RFC1: variants seen among roughly 807,000 people sequenced by gnomAD.
RFC1 encodes A1 140 kDa subunit.
A neutral mutation model predicts 137.4 loss-of-function variants in RFC1; 37 were observed. The observed-to-expected ratio is 0.27, with a 90% CI of 0.21 to 0.35. RFC1 has a LOEUF of 0.35. Ranked by LOEUF, RFC1 falls within the 10% of genes least tolerant of loss-of-function variation. The probability of loss-of-function intolerance (pLI) is 1.00; values close to 1 mark genes in which losing one functional copy is unlikely to be tolerated. For missense variants in RFC1, 1,205 were observed against 1,358.5 expected (o/e 0.89, Z 1.78); for synonymous variants, 429 against 455.7 (o/e 0.94, Z 0.75).
chr4:39,337,016 A>G (rs1740387063), intron 4 of RFC1, among the ~76,000 whole-genome samples: 1 of 152,252 alleles, frequency 6.6e-6, no homozygotes, highest in Non-Finnish European at 1.5e-5. Flanking sequence ...AGAGACATCC[A>G]AAGATCTAGA....
rs75402819 is a variant in RFC1, at chr4:39,342,210, C to T, written c.331+135G>A. The stretch of plus-strand genomic sequence containing the variant: ...AATGCAAAAGATGATCCCAGCCTTC[C>T]CTGACAAATATAACTCAACAAAGCA... On this transcript the variant is annotated intron_variant, in intron 4 of 24. Transcript: ENST00000349703. 82 of 1,026,342 alleles carry T rather than the reference C, an allele frequency of 8.0e-5. No homozygotes were observed. In the African/African-American group the frequency reaches 1.2e-3, roughly 15 times the overall value. 63.6% of individuals were successfully genotyped at this position (1,026,342 alleles called of 1,614,324 possible).
At chr4:39,306,053 TGCCTAA>T (rs1350808032) in intron 14 of RFC1, among the ~76,000 whole-genome samples, 2 of 152,232 alleles carry the variant, frequency 1.3e-5, no homozygotes, top group Non-Finnish European at 2.9e-5. Flanking sequence ...TCTGCTCTAG[TGCCTAA>T]GCAAGTCAAG....
intron 8 of RFC1, 72 bp downstream of exon 8, chr4:39,321,211 ATACT>A (rs1739502971): frequency 9.2e-7 from 1 of 1,085,910 alleles, no homozygotes; most frequent in African/African-American, 1.6e-5. Context: ...ACTGAATAGG[ATACT>A]TAAACAAGAT....
intron 1 of RFC1, chr4:39,355,784 A>G (rs1741443835): frequency 6.6e-6 from 1 of 152,170 alleles, no homozygotes; most frequent in Non-Finnish European, 1.5e-5. Flanking sequence ...TGAGTGGATC[A>G]CGAGGTCAAG....
intron 4 of RFC1, among the ~76,000 whole-genome samples, chr4:39,338,341 G>A (rs1278230986): frequency 6.6e-6 from 1 of 152,188 alleles, no homozygotes; most frequent in East Asian, 1.9e-4. Context: ...AAAGCTAGCT[G>A]TATAATAATA....
chr4:39,293,263 C>T (rs1737789457), intron 22 of RFC1, among the ~76,000 whole-genome samples: 1 of 152,172 alleles, frequency 6.6e-6, no homozygotes, highest in Admixed American at 6.5e-5. Context: ...AATCATGAAA[C>T]CATTTCCAAA....
At position 39,288,826 on chromosome 4, in the gene RFC1, T is replaced by G. The variant is rs1434820858; in HGVS notation, c.3379A>C (p.Lys1127Gln). The G allele has an allele frequency of 2.5e-6, 4 of 1,609,484 alleles. No homozygotes were observed. In the African/African-American group the frequency reaches 5.4e-5, roughly 22 times the overall value. ...TTATCTTTTTCTGGTTTTGAAGGCT[T>G]TGAAGATTTTGTCTTTTTCTGTTAG... ...AMIKKKTKSS[K>Q]PSKPEKDKEP... The change falls in exon 25 of 25, where the codon AAG becomes CAG. Residue 1127 changes from lysine to glutamine, a missense_variant. By Grantham distance (53) the Lys-to-Gln change is moderately conservative. Coordinates refer to ENST00000349703, the MANE Select transcript of RFC1 (RefSeq NM_002913.5).
At position 39,351,374 on chromosome 4, in the gene RFC1, C is replaced by T. The variant is rs1307655865; in HGVS notation, c.106G>A (p.Ala36Thr). 1.2e-5 allele frequency: 18 copies of T among 1,529,182 alleles called. No individual in the cohort carries two copies. Among genetic ancestry groups the T allele is most frequent in the Admixed American group, 4.3e-5 (2 of 46,802 alleles). The allele number at this position is 1,529,182 out of a possible 1,614,324, so 94.7% of individuals were successfully genotyped here. Residue 36 changes from alanine to threonine, a missense_variant, in exon 2 of 25, where the codon GCA (alanine) becomes ACA (threonine). Ala to Thr is a moderately conservative substitution (Grantham distance 58). This residue lies in a region of RFC1 where 962 missense variants were observed against 1,035.3 expected (regional missense o/e 0.93). Transcript: ENST00000349703. Reference protein sequence around the residue: ...KTKSDEETLKAKKGIKEIKVN... With the variant: ...KTKSDEETLKTKKGIKEIKVN... ...TTGATTTCCTTTATTCCTTTCTTTG[C>T]TTTTAAAGTTTCTTCATCAGACTTT...
At chr4:39,299,438 CCT>C (rs1738220337) in intron 21 of RFC1, among the ~76,000 whole-genome samples, 1 of 151,704 alleles carries the variant, frequency 6.6e-6, no homozygotes, top group Non-Finnish European at 1.5e-5. Context: ...ACAGTGAAAC[CCT>C]GTCGCTACTA....
At chr4:39,323,481 A>G (rs1739621982) in intron 6 of RFC1, 64 bp from the exon 7 acceptor site, 3 of 1,324,640 alleles carry the variant, frequency 2.3e-6, no homozygotes, top group Non-Finnish European at 3.3e-6. Context: ...AGAATTTTTA[A>G]ATGTCTGATT....
At chr4:39,305,478 T>C (rs1738590976) in intron 14 of RFC1, among the ~76,000 whole-genome samples, 1 of 152,076 alleles carries the variant, frequency 6.6e-6, no homozygotes, top group African/African-American at 2.4e-5. Flanking sequence ...CGTGGTGGCG[T>C]GTTCCTGTAG....
At chr4:39,333,388 A>G (rs1740198608) in intron 4 of RFC1, among the ~76,000 whole-genome samples, 1 of 152,218 alleles carries the variant, frequency 6.6e-6, no homozygotes. Context: ...ACTCTTGGAG[A>G]TAATCAGAGG....
At chr4:39,343,437 A>G (rs1578157620) in intron 3 of RFC1, among the ~76,000 whole-genome samples, 1 of 152,110 alleles carries the variant, frequency 6.6e-6, no homozygotes, top group Admixed American at 6.5e-5. Flanking sequence ...TAGGCTGTGG[A>G]TATCTTTTGG....
In RFC1 at chr4:39,303,050, C is replaced by T. The variant is rs763197406; in HGVS notation, c.2202+10G>A. The T allele has an allele frequency of 1.3e-6, 2 of 1,598,186 alleles. No homozygotes were observed. Among genetic ancestry groups the T allele is most frequent in the East Asian group, 2.2e-5 (1 of 44,806 alleles). Reference sequence around the variant, plus strand: ...ACAGTGAAACTGCAAAAATACAGCACTTGAATTACCTGAATTCCTCCCCTA... The same window carrying T: ...ACAGTGAAACTGCAAAAATACAGCATTTGAATTACCTGAATTCCTCCCCTA... On this transcript the variant is annotated intron_variant, in intron 16 of 24. Coordinates refer to ENST00000349703, the MANE Select transcript of RFC1 (RefSeq NM_002913.5).
At chr4:39,360,459 G>A (rs568013580) in intron 1 of RFC1, among the ~76,000 whole-genome samples, 133 of 151,744 alleles carry the variant, frequency 8.8e-4, no homozygotes, top group African/African-American at 1.3e-3. Context: ...AGCCAAGGTC[G>A]CGCCACTGCA....
chr4:39,298,666 C>T (rs1324910668), intron 21 of RFC1, among the ~76,000 whole-genome samples: 1 of 152,134 alleles, frequency 6.6e-6, no homozygotes, highest in Non-Finnish European at 1.5e-5. Flanking sequence ...ACTCAGTGAC[C>T]ACCTGGGAGA....
At chr4:39,337,875 C>T (rs1740435380) in intron 4 of RFC1, among the ~76,000 whole-genome samples, 1 of 152,118 alleles carries the variant, frequency 6.6e-6, no homozygotes, top group South Asian at 2.1e-4. Context: ...TTAAACACTC[C>T]TCAAATAATT....
At chr4:39,293,533 C>T (rs1737805055) in intron 22 of RFC1, among the ~76,000 whole-genome samples, 1 of 152,082 alleles carries the variant, frequency 6.6e-6, no homozygotes, top group Non-Finnish European at 1.5e-5. Flanking sequence ...AGAAACGGAC[C>T]TACAAAAAGT....
chr4:39,364,316 T>C (rs1435759801), intron 1 of RFC1, among the ~76,000 whole-genome samples: 1 of 151,292 alleles, frequency 6.6e-6, no homozygotes, highest in Non-Finnish European at 1.5e-5. Flanking sequence ...AAGTGTTCAA[T>C]AAACATTTGT....
Sources: allele counts gnomAD v4.1 joint callset (sites outside exome capture counted in the v4.1 genomes callset), GRCh38; gene constraint gnomAD v4.1.1; regional missense constraint gnomAD v4.1.1; transcripts MANE v1.5; gene names NCBI Gene and HGNC (gene_info 2026-07-23, HGNC 2026-07-21).